The following RSRP1 variants were observed in gnomAD, a reference collection of about 807,000 sequenced individuals.
RSRP1 encodes the protein arginine and serine rich protein 1.
A neutral mutation model predicts 33.0 loss-of-function variants in RSRP1; 37 were observed. That is an observed-to-expected ratio of 1.12 (90% CI 0.86 to 1.48). The LOEUF (loss-of-function observed/expected upper bound fraction) is 1.48, where lower values mean the gene tolerates loss of function less well. RSRP1 is among the 40% of genes most tolerant of loss of function. RSRP1 has a pLI of 0.00. For synonymous variants in RSRP1, 167 were observed against 158.7 expected (o/e 1.05, Z -0.40); for missense variants, 402 against 385.3 (o/e 1.04, Z -0.36).
chr1:25,296,136 T>C lies in RSRP1; in HGVS notation c.-67+41842A>G, dbSNP rs1441209773. Among the ~76,000 whole-genome samples, 43 of 118,676 alleles carry C rather than the reference T, an allele frequency of 3.6e-4. 9 individuals carry two copies. Among genetic ancestry groups the C allele is most frequent in the Middle Eastern group, 4.3e-3 (1 of 232 alleles). 77.9% of individuals were successfully genotyped at this position (118,676 alleles called of 152,430 possible). ...CCTTGGCCTCCCAAAGTGCTGGGAT[T>C]AGAGGTGTGAGCCACCGCGCCCAGC... On this transcript the variant is annotated intron_variant, in intron 1 of 1. Transcript: ENST00000561867.
chr1:25,247,468 A>G (rs1031152579), upstream of RSRP1: 6 of 153,792 alleles, frequency 3.9e-5, no homozygotes, highest in African/African-American at 1.4e-4. Flanking sequence ...GGACTACGTT[A>G]GCAGACGCGT....
chr1:25,257,742 G>A (rs1639992567), intron 1 of RSRP1, among the ~76,000 whole-genome samples: 1 of 151,964 alleles, frequency 6.6e-6, no homozygotes, highest in Admixed American at 6.6e-5. Context: ...TGGGGCTACA[G>A]GCACACGTCT....
At chr1:25,257,003 G>C (rs940457643) in intron 1 of RSRP1, among the ~76,000 whole-genome samples, 2 of 152,156 alleles carry the variant, frequency 1.3e-5, no homozygotes, top group African/African-American at 4.8e-5. Flanking sequence ...TGTAACACCT[G>C]CAACTTCACT....
chr1:25,311,722 T>A (rs3094243), intron 1 of RSRP1, among the ~76,000 whole-genome samples: 29,095 of 126,202 alleles, frequency 0.23, 8,104 homozygotes, highest in Admixed American at 0.3. Flanking sequence ...CTTGGGTCTC[T>A]GCTCCCCACA....
chr1:25,248,772 A>T (rs918118805), upstream of RSRP1, among the ~76,000 whole-genome samples: 1 of 152,216 alleles, frequency 6.6e-6, no homozygotes, highest in Non-Finnish European at 1.5e-5. Context: ...TTTCTTCTCT[A>T]AATCTCAAGA....
At chr1:25,315,199 T>A (rs1171443126) in intron 1 of RSRP1, among the ~76,000 whole-genome samples, 2 of 130,028 alleles carry the variant, frequency 1.5e-5, no homozygotes, top group Admixed American at 1.5e-4. Flanking sequence ...TCCCCCTGAT[T>A]TTTTTCCTAA....
At chr1:25,268,069 T>C (rs1384330838) in intron 1 of RSRP1, among the ~76,000 whole-genome samples, 2 of 133,900 alleles carry the variant, frequency 1.5e-5, no homozygotes, top group Admixed American at 7.2e-5. Flanking sequence ...GGGTCCGTGA[T>C]TGGCATTCCA....
At chr1:25,312,163 A>C (rs1644185612) in intron 1 of RSRP1, among the ~76,000 whole-genome samples, 6 of 96,104 alleles carry the variant, frequency 6.2e-5, no homozygotes, top group Admixed American at 5.0e-4. Flanking sequence ...AGAGTAAAAG[A>C]TCATTCTGAA....
rs1471322860 is a variant in RSRP1, at chr1:25,242,639, G to A, written c.823C>T (p.Pro275Ser). ...GGACTTTTTTTCTGATCTATTTTTG[G>A]TGATCTTGAAGATGCCTCTTCTGTG... is the stretch of plus-strand genomic sequence containing the variant. Reference protein sequence around the residue: ...AATEEASSRSPKIDQKKSPYG... With the variant: ...AATEEASSRSSKIDQKKSPYG... The change falls in exon 5 of 5, where the codon CCA becomes TCA. Residue 275 changes from proline (P) to serine (S), a missense_variant. By Grantham distance (74) the Pro-to-Ser change is moderately conservative. Coordinates refer to ENST00000243189, the MANE Select transcript of RSRP1 (RefSeq NM_020317.5). 10 of 1,612,452 alleles carry A rather than the reference G, an allele frequency of 6.2e-6. No homozygotes were observed. Among genetic ancestry groups the A allele is most frequent in the East Asian group, 2.2e-5 (1 of 44,858 alleles).
chr1:25,243,961 G>T (rs780182711), intron 3 of RSRP1: 38 of 1,149,096 alleles, frequency 3.3e-5, no homozygotes, highest in Non-Finnish European at 3.7e-5. Context: ...TAAGGCATTT[G>T]CCAGTTAGGC....
chr1:25,253,068 T>C (rs1200189098), intron 1 of RSRP1: 1 of 150,566 alleles, frequency 6.6e-6, no homozygotes, highest in African/African-American at 2.4e-5. Flanking sequence ...TGAGTTCAAA[T>C]TTAATATTTA....
In RSRP1 at chr1:25,316,251, G is replaced by A. The variant is rs1177963427; in HGVS notation, c.-67+21727C>T. ...GGGTAGGGATGGGCAGGGGAGATGG[G>A]TCTGAAAGCCAAGCTCTACCCCACC... On this transcript the variant is annotated intron_variant, in intron 1 of 1. Coordinates refer to the RSRP1 transcript ENST00000561867. Among the ~76,000 whole-genome samples, 7 of 129,622 alleles carry A rather than the reference G, an allele frequency of 5.4e-5. 2 individuals are homozygous for A. The highest frequency in any genetic ancestry group is 1.5e-4 in the Admixed American group (2 of 13,316). 85.0% of individuals were successfully genotyped at this position (129,622 alleles called of 152,430 possible).
intron 1 of RSRP1, chr1:25,304,546 T>G (rs550757571): frequency 7.9e-6 from 1 of 127,360 alleles, no homozygotes; most frequent in Non-Finnish European, 1.8e-5. Flanking sequence ...TGCAGTGAGC[T>G]GAAATCGTGC....
rs112165740 is a variant in RSRP1, at chr1:25,247,031, T to C, written c.-66-2A>G. ...CCGCAAGCCTCAACTCAGGACTTCC[T>C]AAAAAACCAAGAGAGAAAAAACAAG... On this transcript the variant is annotated splice_acceptor_variant, in intron 1 of 4. Coordinates refer to ENST00000243189, the MANE Select transcript of RSRP1 (RefSeq NM_020317.5). LOFTEE classifies it low-confidence loss of function (5UTR_SPLICE). The C allele has an allele frequency of 5.0e-6, 7 of 1,409,112 alleles. No homozygotes were observed. The highest frequency in any genetic ancestry group is 5.7e-6 in the Non-Finnish European group (6 of 1,056,678). 87.3% of individuals were successfully genotyped at this position (1,409,112 alleles called of 1,614,324 possible). A position where few individuals can be genotyped will look rare whatever the true frequency, so the allele number is the denominator to read the frequency against.
chr1:25,277,953 C>T lies in RSRP1; in HGVS notation c.-66-30924G>A, dbSNP rs1226025159. Among the ~76,000 whole-genome samples the T allele has an allele frequency of 5.3e-5, 7 of 133,258 alleles. 2 individuals are homozygous for T. The highest frequency in any genetic ancestry group is 1.1e-4 in the Non-Finnish European group (6 of 56,052). The allele number at this position is 133,258 out of a possible 152,430, so 87.4% of individuals were successfully genotyped here. A position where few individuals can be genotyped will look rare whatever the true frequency, so the allele number is the denominator to read the frequency against. On this transcript the variant is annotated intron_variant, in intron 1 of 1. Transcript: ENST00000561867. ...CCTCCCAAAGTGCTGGGATTACAGG[C>T]GTGAGCCACCGCGCCTGGCCCAAAA...
At position 25,334,184 on chromosome 1, in the gene RSRP1, G is replaced by A. The variant is rs1052092720; in HGVS notation, c.-67+3794C>T. Among the ~76,000 whole-genome samples the A allele has an allele frequency of 9.9e-5, 13 of 131,844 alleles. 1 individual carries two copies. The highest frequency in any genetic ancestry group is 3.4e-4 in the African/African-American group (13 of 38,288). The allele number at this position is 131,844 out of a possible 152,430, so 86.5% of individuals were successfully genotyped here. On this transcript the variant is annotated intron_variant, in intron 1 of 1. Coordinates refer to the RSRP1 transcript ENST00000561867. Reference sequence around the variant, plus strand: ...TTAATTACTTCCTAGATACAATGGGGGTACAGGCATTGGGTAAATACAGCC... The same window carrying A: ...TTAATTACTTCCTAGATACAATGGGAGTACAGGCATTGGGTAAATACAGCC...
At chr1:25,336,524 C>CT (rs1645077880) in intron 1 of RSRP1, 1 of 147,006 alleles carries the variant, frequency 6.8e-6, no homozygotes, top group African/African-American at 2.7e-5. Context: ...AAGCATGTAT[C>CT]TTATTAGTAA....
At position 25,308,609 on chromosome 1, in the gene RSRP1, A is replaced by C. The variant is rs116451902; in HGVS notation, c.-67+29369T>G. ...ACTGAGTTCAAGCTGTCAAGGAGAC[A>C]TCACTATACATGGACTTGGGAAGAG... is the stretch of plus-strand genomic sequence containing the variant. On this transcript the variant is annotated intron_variant, in intron 1 of 1. Coordinates refer to the RSRP1 transcript ENST00000561867. Among the ~76,000 whole-genome samples, 93 of 132,128 alleles carry C rather than the reference A, an allele frequency of 7.0e-4. 15 individuals are homozygous for C. Among genetic ancestry groups the C allele is most frequent in the African/African-American group, 2.3e-3 (89 of 38,386 alleles). 86.7% of individuals were successfully genotyped at this position (132,128 alleles called of 152,430 possible). A position where few individuals can be genotyped will look rare whatever the true frequency, so the allele number is the denominator to read the frequency against.
chr1:25,307,995 G>C (rs115030179), intron 1 of RSRP1, among the ~76,000 whole-genome samples: 1 of 120,142 alleles, frequency 8.3e-6, no homozygotes, highest in African/African-American at 2.9e-5. Flanking sequence ...ACCTAGCAAG[G>C]TCCTACTCAC....
Sources: gnomAD v4.1 joint callset for allele counts (sites outside exome capture counted in the v4.1 genomes callset) on GRCh38, gnomAD v4.1.1 for gene constraint, MANE v1.5 for transcripts, NCBI Gene and HGNC (gene_info 2026-07-23, HGNC 2026-07-21) for gene names.